Variants in ESRRB observed in about 807,000 individuals in gnomAD.
ESRRB encodes steroid hormone receptor ERR2.
Under a neutral mutation model 46.0 loss-of-function variants are expected in ESRRB, and 16 were observed. The ratio of observed to expected loss-of-function variants is 0.35; its 90% CI spans 0.24 to 0.53. The LOEUF (loss-of-function observed/expected upper bound fraction) is 0.53. Among genes scored for constraint, ESRRB ranks in the 20% least tolerant of loss-of-function variants. The pLI is 0.93. For synonymous variants in ESRRB, 246 were observed against 259.6 expected (o/e 0.95, Z 0.50); for missense variants, 488 against 607.4 (o/e 0.80, Z 2.07).
intron 1 of ESRRB, among the ~76,000 whole-genome samples, chr14:76,341,028 T>C (rs1595049692): frequency 6.6e-6 from 1 of 152,158 alleles, no homozygotes; most frequent in Non-Finnish European, 1.5e-5. Flanking sequence ...AGCCTGCCCC[T>C]GCACCCAAGT....
chr14:76,439,327 A>T lies in ESRRB; in HGVS notation c.51-14A>T. On this transcript the variant is annotated splice_polypyrimidine_tract_variant and intron_variant, in intron 1 of 6. Transcript: ENST00000644823. ...GCACCTTGCTGGGGCTGACTTCCCGATTTGTGTCCACAGGCTGCTGAACAG... is the reference window on the plus strand; with the variant it reads ...GCACCTTGCTGGGGCTGACTTCCCGTTTTGTGTCCACAGGCTGCTGAACAG... The T allele has an allele frequency of 1.2e-6, 2 of 1,612,396 alleles. No homozygotes were observed. Among genetic ancestry groups the T allele is most frequent in the Non-Finnish European group, 1.7e-6 (2 of 1,179,308 alleles).
chr14:76,487,819 G>C (rs1297526934), intron 5 of ESRRB, among the ~76,000 whole-genome samples: 1 of 152,076 alleles, frequency 6.6e-6, no homozygotes, highest in Non-Finnish European at 1.5e-5. Context: ...GCCCAGGCTG[G>C]CATTACACTC....
At chr14:76,365,039 A>G (rs1884504614) in intron 1 of ESRRB, among the ~76,000 whole-genome samples, 7 of 152,264 alleles carry the variant, frequency 4.6e-5, no homozygotes, top group Admixed American at 4.6e-4. Context: ...TTTGTTATGT[A>G]TGAACTAATA....
chr14:76,397,646 T>C (rs981994991), intron 1 of ESRRB, among the ~76,000 whole-genome samples: 1 of 152,240 alleles, frequency 6.6e-6, no homozygotes, highest in Non-Finnish European at 1.5e-5. Context: ...GGCTCGTGCT[T>C]CTAATCCCAG....
At chr14:76,370,751 A>G (rs918816623), upstream of ESRRB, among the ~76,000 whole-genome samples, 1 of 151,456 alleles carries the variant, frequency 6.6e-6, no homozygotes, top group African/African-American at 2.4e-5. Context: ...AGTTGGTAGG[A>G]AAAAAAAAGA....
At chr14:76,467,907 C>T (rs753789686) in intron 3 of ESRRB, among the ~76,000 whole-genome samples, 3 of 152,160 alleles carry the variant, frequency 2.0e-5, no homozygotes, top group Admixed American at 6.5e-5. Flanking sequence ...CTCCCAAGCC[C>T]GCTCCATTTC....
chr14:76,473,575 G>A (rs1318786468), intron 3 of ESRRB, among the ~76,000 whole-genome samples: 2 of 152,220 alleles, frequency 1.3e-5, no homozygotes. Context: ...TTTAGTGCCC[G>A]GGTGTAAAAG....
At chr14:76,439,016 C>G (rs1424071311) in intron 1 of ESRRB, among the ~76,000 whole-genome samples, 1 of 151,516 alleles carries the variant, frequency 6.6e-6, no homozygotes, top group Admixed American at 6.6e-5. Flanking sequence ...CCAGGCTGGT[C>G]TCAAACTCCT....
intron 3 of ESRRB, among the ~76,000 whole-genome samples, chr14:76,469,755 C>A (rs1156382390): frequency 6.6e-6 from 1 of 152,084 alleles, no homozygotes; most frequent in Non-Finnish European, 1.5e-5. Flanking sequence ...CCTGATCCCA[C>A]TGTCTTTCTC....
At chr14:76,423,943 G>T (rs1222184573) in intron 1 of ESRRB, among the ~76,000 whole-genome samples, 1 of 152,096 alleles carries the variant, frequency 6.6e-6, no homozygotes, top group African/African-American at 2.4e-5. Context: ...AGATCCTGAG[G>T]CCTTCTGAGC....
chr14:76,471,567 T>C (rs917586046), intron 3 of ESRRB, among the ~76,000 whole-genome samples: 2 of 152,160 alleles, frequency 1.3e-5, no homozygotes, highest in Non-Finnish European at 2.9e-5. Context: ...CATGACAAAC[T>C]GTTTCCCATC....
chr14:76,488,141 G>A (rs376633892), intron 5 of ESRRB, among the ~76,000 whole-genome samples: 5 of 151,900 alleles, frequency 3.3e-5, no homozygotes, highest in Non-Finnish European at 7.4e-5. Flanking sequence ...TTTCCTTCTG[G>A]TGTTTCTTTT....
intron 1 of ESRRB, among the ~76,000 whole-genome samples, chr14:76,417,589 G>A (rs114483895): frequency 0.025 from 3,850 of 152,280 alleles, 82 homozygotes; most frequent in African/African-American, 0.055. Context: ...CAGCGAACAC[G>A]CATTTCAAGC....
chr14:76,437,642 G>A (rs139407784), intron 1 of ESRRB, among the ~76,000 whole-genome samples: 2 of 152,294 alleles, frequency 1.3e-5, no homozygotes, highest in East Asian at 3.9e-4. Context: ...GGGAGGCTCA[G>A]GGAGTGAGGC....
intron 1 of ESRRB, among the ~76,000 whole-genome samples, chr14:76,404,178 A>ATG (rs148910406): frequency 2.6e-5 from 4 of 151,388 alleles, no homozygotes; most frequent in East Asian, 1.9e-4. Flanking sequence ...TCTCATGTGT[A>ATG]TGTGTGTGTG....
chr14:76,397,703 G>C lies in ESRRB; in HGVS notation c.50+21252G>C, dbSNP rs551545977. 2.0e-5 allele frequency among the ~76,000 whole-genome samples: 3 copies of C among 152,266 alleles called. No homozygotes were observed. The East Asian group carries it at 5.8e-4, about 29-fold the overall frequency. On this transcript the variant is annotated intron_variant, in intron 1 of 6. Coordinates refer to ENST00000644823, the MANE Select transcript of ESRRB (RefSeq NM_001379180.1). ...GAGGATTGTTTGAGACCAGGAGTTC[G>C]AGACCAGCCTGGGCAATGTAGCGAG...
intron 1 of ESRRB, among the ~76,000 whole-genome samples, chr14:76,430,853 G>A (rs554458234): frequency 6.6e-6 from 1 of 152,246 alleles, no homozygotes; most frequent in Non-Finnish European, 1.5e-5. Flanking sequence ...CCTTCAGCCT[G>A]ACCCAGATTC....
rs192899600 is a variant in ESRRB at position 76,446,590 on chromosome 14, A to G, written c.460+6840A>G. Among the ~76,000 whole-genome samples the G allele has an allele frequency of 2.1e-4, 32 of 152,286 alleles. No individual in the cohort carries two copies. In the East Asian group the frequency reaches 3.3e-3, roughly 16 times the overall value. On this transcript the variant is annotated intron_variant, in intron 2 of 6. Coordinates refer to ENST00000644823, the MANE Select transcript of ESRRB (RefSeq NM_001379180.1). ...GGCTAGCCCTGGAGGCATAGAAAAA[A>G]CAGACATACTTAGGCAAAGCCACCA...
intron 1 of ESRRB, among the ~76,000 whole-genome samples, chr14:76,426,091 G>A (rs1595105588): frequency 6.6e-6 from 1 of 152,246 alleles, no homozygotes. Flanking sequence ...GCAGAAGCAG[G>A]TCTTGCCCAG....
Sources: gnomAD v4.1 joint callset for allele counts (sites outside exome capture counted in the v4.1 genomes callset) on GRCh38, gnomAD v4.1.1 for gene constraint, MANE v1.5 for transcripts, NCBI Gene and HGNC (gene_info 2026-07-23, HGNC 2026-07-21) for gene names.